The following SIPA1L1 variants were observed in gnomAD, a reference collection of about 807,000 sequenced individuals.
SIPA1L1 encodes signal-induced proliferation-associated 1-like protein 1.
A neutral mutation model predicts 162.7 loss-of-function variants in SIPA1L1; 26 were observed. That is an observed-to-expected ratio of 0.16 (90% CI 0.12 to 0.22). SIPA1L1 has a LOEUF of 0.22. Among genes scored for constraint, SIPA1L1 ranks in the 10% least tolerant of loss-of-function variants. The probability of loss-of-function intolerance (pLI) is 1.00; values close to 1 mark genes in which losing one functional copy is unlikely to be tolerated. For missense variants in SIPA1L1, 1,874 were observed against 2,241.0 expected (o/e 0.84, Z 3.31); for synonymous variants, 829 against 837.4 (o/e 0.99, Z 0.17).
At chr14:71,355,663 C>T (rs149831073) in intron 2 of SIPA1L1, among the ~76,000 whole-genome samples, 1 of 152,254 alleles carries the variant, frequency 6.6e-6, no homozygotes, top group African/African-American at 2.4e-5. Flanking sequence ...ATTAGTTAGG[C>T]AAAAACCATT....
At chr14:71,686,832 C>G (rs2080902710) in intron 13 of SIPA1L1, among the ~76,000 whole-genome samples, 1 of 152,188 alleles carries the variant, frequency 6.6e-6, no homozygotes, top group South Asian at 2.1e-4. Flanking sequence ...ATTCTGGGAA[C>G]TGTGTTGGGG....
At chr14:71,323,694 TC>T (rs367802944) in intron 2 of SIPA1L1, among the ~76,000 whole-genome samples, 9 of 152,300 alleles carry the variant, frequency 5.9e-5, no homozygotes, top group African/African-American at 2.2e-4. Flanking sequence ...TTCAGAAATT[TC>T]TTTTTTTCCC....
intron 2 of SIPA1L1, among the ~76,000 whole-genome samples, chr14:71,367,083 CA>C (rs1383243336): frequency 1.3e-5 from 2 of 152,122 alleles, no homozygotes; most frequent in African/African-American, 2.4e-5. Flanking sequence ...ATGTGACATA[CA>C]TTTTTTTGGT....
At chr14:71,708,029 G>GTTTT (rs58827391) in intron 16 of SIPA1L1, among the ~76,000 whole-genome samples, 1 of 82,074 alleles carries the variant, frequency 1.2e-5, no homozygotes, top group Non-Finnish European at 2.1e-5. Flanking sequence ...TTTTTTTTTT[G>GTTTT]TTTTTTTTTT....
At chr14:71,397,416 A>G (rs2041291506) in intron 2 of SIPA1L1, among the ~76,000 whole-genome samples, 1 of 151,402 alleles carries the variant, frequency 6.6e-6, no homozygotes, top group East Asian at 1.9e-4. Flanking sequence ...TTATATATAT[A>G]TAATAGTATC....
chr14:71,404,902 A>C (rs2041933296), intron 2 of SIPA1L1, among the ~76,000 whole-genome samples: 3 of 152,220 alleles, frequency 2.0e-5, no homozygotes, highest in African/African-American at 7.2e-5. Context: ...CTGCTTTCCC[A>C]TACCGATCTG....
chr14:71,542,364 CTTCCTGCTG>C (rs988644952), intron 4 of SIPA1L1, among the ~76,000 whole-genome samples: 2 of 104,046 alleles, frequency 1.9e-5, no homozygotes, highest in Non-Finnish European at 4.0e-5. Flanking sequence ...CTTTCTTCTT[CTTCCTGCTG>C]CTGCTGCTGC....
intron 2 of SIPA1L1, among the ~76,000 whole-genome samples, chr14:71,443,104 T>A (rs914823806): frequency 2.0e-5 from 3 of 152,196 alleles, no homozygotes; most frequent in African/African-American, 2.4e-5. Flanking sequence ...TTTACAGTAT[T>A]AGTTAGGGAG....
chr14:71,671,560 T>G lies in SIPA1L1; in HGVS notation c.2697T>G (p.Cys899Trp). Reference sequence around the variant, plus strand: ...AAACAAAGAGCGTGGTCTTCAATTGTTCCTGTAGAGATGTGATAGGGTGGA... The same window carrying G: ...AAACAAAGAGCGTGGTCTTCAATTGGTCCTGTAGAGATGTGATAGGGTGGA... ...EQETKSVVFNCSCRDVIGWTS... is the reference protein window; with the variant it reads ...EQETKSVVFNWSCRDVIGWTS... Residue 899 changes from cysteine to tryptophan, a missense_variant, in exon 11 of 24, where the codon TGT becomes TGG. Around this residue, in one of 5 missense-constraint regions of SIPA1L1, gnomAD observed 243 missense variants for 315.0 expected, o/e 0.77. Transcript: ENST00000381232. 6.2e-7 allele frequency: 1 copy of G among 1,614,206 alleles called. No individual in the cohort carries two copies. The highest frequency in any genetic ancestry group is 8.5e-7 in the Non-Finnish European group (1 of 1,180,042).
At chr14:71,337,016 A>G (rs1048469277) in intron 2 of SIPA1L1, among the ~76,000 whole-genome samples, 6 of 152,130 alleles carry the variant, frequency 3.9e-5, no homozygotes, top group Admixed American at 6.6e-5. Context: ...CCGCTGTCCC[A>G]TTCTCCAGGC....
At chr14:71,397,329 T>C (rs1427604982) in intron 2 of SIPA1L1, among the ~76,000 whole-genome samples, 1 of 152,182 alleles carries the variant, frequency 6.6e-6, no homozygotes, top group East Asian at 1.9e-4. Flanking sequence ...TTTCTTTCTT[T>C]ATTCCCACTA....
At chr14:71,655,240 C>T (rs750136520) in intron 8 of SIPA1L1, among the ~76,000 whole-genome samples, 6 of 152,072 alleles carry the variant, frequency 3.9e-5, no homozygotes, top group African/African-American at 7.2e-5. Context: ...TCTGTTTCTG[C>T]GTTAATTCAC....
At position 71,738,236 on chromosome 14, in the gene SIPA1L1, C is replaced by T. The variant is rs112111796; in HGVS notation, c.5124-5C>T. 1,400 of 1,597,438 alleles carry T rather than the reference C, an allele frequency of 8.8e-4. 12 individuals carry two copies. The African/African-American group carries it at 0.016, about 18-fold the overall frequency. ...CCAACATGGTCTTTTGTTTCTTGTT[C>T]CCAGCAGTAAAGACTCCTCTCCCAC... On this transcript the variant is annotated splice_region_variant and splice_polypyrimidine_tract_variant and intron_variant, in intron 22 of 23. Transcript: ENST00000381232.
At chr14:71,513,563 C>G (rs1473923174) in intron 3 of SIPA1L1, among the ~76,000 whole-genome samples, 1 of 152,198 alleles carries the variant, frequency 6.6e-6, no homozygotes, top group Non-Finnish European at 1.5e-5. Flanking sequence ...TCATAGCTCA[C>G]TGTAACCTCA....
At position 71,739,374 on chromosome 14, in the gene SIPA1L1, T is replaced by C; in HGVS notation, c.*213T>C. On this transcript the variant is annotated 3_prime_UTR_variant, in exon 24 of 24. Transcript: ENST00000381232. ...AAACAAAAAAAGTAAATAAAAATTT[T>C]AAACAGTAAAATAAAAGTTTAACTG... 5.6e-6 allele frequency: 2 copies of C among 359,522 alleles called. No individual in the cohort carries two copies. The highest frequency in any genetic ancestry group is 4.9e-6 in the Non-Finnish European group (1 of 202,070). 22.3% of individuals were successfully genotyped at this position (359,522 alleles called of 1,614,324 possible). A position where few individuals can be genotyped will look rare whatever the true frequency, so the allele number is the denominator to read the frequency against.
chr14:71,680,183 A>T (rs537778089), intron 12 of SIPA1L1, among the ~76,000 whole-genome samples: 2 of 152,234 alleles, frequency 1.3e-5, no homozygotes, highest in South Asian at 2.1e-4. Flanking sequence ...GAAGTAAAGC[A>T]CTCCTCAGCA....
chr14:71,621,180 C>G (rs765207992), intron 6 of SIPA1L1, among the ~76,000 whole-genome samples: 1 of 152,206 alleles, frequency 6.6e-6, no homozygotes, highest in Non-Finnish European at 1.5e-5. Flanking sequence ...ACTGTTCTCC[C>G]TGCTTCTATG....
chr14:71,711,477 G>A (rs1238314594), intron 17 of SIPA1L1, among the ~76,000 whole-genome samples: 1 of 152,166 alleles, frequency 6.6e-6, no homozygotes, highest in African/African-American at 2.4e-5. Flanking sequence ...TTGTCATTTT[G>A]AAAGGAGGAT....
At chr14:71,406,506 A>G (rs997066412) in intron 2 of SIPA1L1, among the ~76,000 whole-genome samples, 2 of 152,196 alleles carry the variant, frequency 1.3e-5, no homozygotes, top group African/African-American at 4.8e-5. Flanking sequence ...ATGGTTATCA[A>G]ATCAATATTT....
Sources: gnomAD v4.1 joint callset for allele counts (sites outside exome capture counted in the v4.1 genomes callset) on GRCh38, gnomAD v4.1.1 for gene constraint, gnomAD v4.1.1 regional missense constraint, MANE v1.5 for transcripts, NCBI Gene and HGNC (gene_info 2026-07-23, HGNC 2026-07-21) for gene names.